Variants in SLC35A5 observed in about 807,000 individuals in gnomAD.
SLC35A5 encodes the protein solute carrier family 35 member A5, also known as UDP-sugar transporter protein SLC35A5.
Under a neutral mutation model 36.3 loss-of-function variants are expected in SLC35A5, and 28 were observed. The ratio of observed to expected loss-of-function variants is 0.77; its 90% CI spans 0.57 to 1.06. SLC35A5 has a LOEUF of 1.06. SLC35A5 is among the 50% of genes least tolerant of loss of function. The probability of loss-of-function intolerance (pLI) is 0.00; values close to 1 mark genes in which losing one functional copy is unlikely to be tolerated. For synonymous variants in SLC35A5, 180 were observed against 173.7 expected (o/e 1.04, Z -0.29); for missense variants, 521 against 499.3 (o/e 1.04, Z -0.41).
chr3:112,564,996 C>T lies in SLC35A5; in HGVS notation c.130+1463C>T, dbSNP rs1309052077. ...CACAGACACAGTAACAATCTGATCT[C>T]TCTTTTCCCCACAATTGAGGACACA... On this transcript the variant is annotated intron_variant, in intron 2 of 6. Transcript: ENST00000492406. Among the ~76,000 whole-genome samples the T allele has an allele frequency of 4.6e-5, 7 of 152,316 alleles. No homozygotes were observed. In the East Asian group the frequency reaches 1.4e-3, roughly 29 times the overall value.
chr3:112,568,452 A>ACAGTTAAGATGAAGTCATAC (rs1491463323), intron 2 of SLC35A5, among the ~76,000 whole-genome samples: 23 of 152,232 alleles, frequency 1.5e-4, no homozygotes, highest in Non-Finnish European at 3.2e-4. Flanking sequence ...GAGACAGGTA[A>ACAGTTAAGATGAAGTCATAC]CAGTTAAGAT....
intron 1 of SLC35A5, among the ~76,000 whole-genome samples, chr3:112,562,689 T>A (rs1324875578): frequency 6.6e-6 from 1 of 152,256 alleles, no homozygotes; most frequent in Admixed American, 6.5e-5. Flanking sequence ...TCTGTCCTAA[T>A]AAGCTTTTTC....
At chr3:112,571,991 G>A (rs1006754723) in intron 4 of SLC35A5, among the ~76,000 whole-genome samples, 107 of 131,770 alleles carry the variant, frequency 8.1e-4, no homozygotes, top group African/African-American at 2.9e-3. Context: ...GCCGGACTAC[G>A]GACTGCAGTG....
chr3:112,581,289 G>A lies in SLC35A5; in HGVS notation c.1172G>A (p.Arg391Gln), dbSNP rs866537161. The A allele has an allele frequency of 5.6e-6, 9 of 1,612,108 alleles. No homozygotes were observed. Among genetic ancestry groups the A allele is most frequent in the East Asian group, 2.2e-5 (1 of 44,882 alleles). The part of the protein sequence containing the change: ...PEYAPRQERI[R>Q]DLSGNLWERS... Reference sequence around the variant, plus strand: ...TACGCACCTAGGCAAGAAAGGATCCGAGATCTAAGTGGCAATCTTTGGGAG... The same window carrying A: ...TACGCACCTAGGCAAGAAAGGATCCAAGATCTAAGTGGCAATCTTTGGGAG... The change falls in exon 6 of 7, where the codon CGA becomes CAA. Residue 391 changes from arginine (R) to glutamine (Q), a missense_variant. Coordinates refer to ENST00000492406, the MANE Select transcript of SLC35A5 (RefSeq NM_017945.5).
chr3:112,562,922 T>TGGTGGCGGGCGC (rs1398575175), intron 1 of SLC35A5, among the ~76,000 whole-genome samples: 1 of 151,970 alleles, frequency 6.6e-6, no homozygotes, highest in Non-Finnish European at 1.5e-5. Context: ...TAGCCGGGCG[T>TGGTGGCGGGCGC]GGTGGCGGGC....
At chr3:112,563,018 C>T (rs1934004388) in intron 1 of SLC35A5, among the ~76,000 whole-genome samples, 1 of 152,160 alleles carries the variant, frequency 6.6e-6, no homozygotes, top group Admixed American at 6.5e-5. Context: ...CAAGACCGCG[C>T]CGTTGCACTC....
intron 1 of SLC35A5, among the ~76,000 whole-genome samples, chr3:112,562,508 G>T (rs1012595101): frequency 2.6e-5 from 4 of 152,218 alleles, no homozygotes; most frequent in Non-Finnish European, 5.9e-5. Context: ...ACGCTGGGAG[G>T]CTTTGGGCAA....
intron 1 of SLC35A5, 40 bp from the exon 2 acceptor site, chr3:112,563,345 T>G (rs1368715861): frequency 7.1e-7 from 1 of 1,400,196 alleles, no homozygotes; most frequent in Non-Finnish European, 9.4e-7. Context: ...GTTTAGGGTC[T>G]GCCAACAAGG....
At chr3:112,570,190 A>G (rs1934376834) in intron 3 of SLC35A5, among the ~76,000 whole-genome samples, 1 of 147,656 alleles carries the variant, frequency 6.8e-6, no homozygotes, top group Non-Finnish European at 1.5e-5. Context: ...GGGGGGCAAA[A>G]ATTCCAGTAT....
chr3:112,579,504 GAT>G (rs1934806642), intron 5 of SLC35A5, among the ~76,000 whole-genome samples: 1 of 147,408 alleles, frequency 6.8e-6, no homozygotes, highest in Non-Finnish European at 1.5e-5. Flanking sequence ...ATGAAAGTGA[GAT>G]ATTCCTCTTT....
chr3:112,569,407 TTAGAG>T, intron 3 of SLC35A5, 138 bp downstream of exon 3: 1 of 680,160 alleles, frequency 1.5e-6, no homozygotes, highest in Non-Finnish European at 2.5e-6. Flanking sequence ...TAAGTATGTT[TTAGAG>T]GTGGAGAAAC....
At chr3:112,575,685 T>C (rs1934636717) in intron 5 of SLC35A5, among the ~76,000 whole-genome samples, 1 of 152,052 alleles carries the variant, frequency 6.6e-6, no homozygotes, top group Non-Finnish European at 1.5e-5. Flanking sequence ...CTCTCTGTTT[T>C]GAGTCCTTGG....
chr3:112,575,594 CA>C (rs973605862), intron 5 of SLC35A5, among the ~76,000 whole-genome samples: 10 of 151,262 alleles, frequency 6.6e-5, no homozygotes, highest in South Asian at 4.2e-4. Flanking sequence ...AATTAAAGTT[CA>C]AAAAAAATTT....
At chr3:112,568,988 T>C (rs1189782925) in intron 2 of SLC35A5, among the ~76,000 whole-genome samples, 183 bp from the exon 3 acceptor site, 1 of 152,116 alleles carries the variant, frequency 6.6e-6, no homozygotes, top group African/African-American at 2.4e-5. Context: ...CCAAATGGGA[T>C]AGGGATAGCT....
intron 6 of SLC35A5, among the ~76,000 whole-genome samples, chr3:112,581,666 A>G (rs1283014242): frequency 6.6e-6 from 1 of 152,204 alleles, no homozygotes; most frequent in Non-Finnish European, 1.5e-5. Context: ...CAGATAATAA[A>G]TGAAAGAACT....
intron 4 of SLC35A5, 86 bp downstream of exon 4, chr3:112,570,756 G>A (rs1934403625): frequency 2.2e-5 from 29 of 1,338,588 alleles, no homozygotes. Flanking sequence ...ATTTTTGTTG[G>A]CATTGTTAGT....
chr3:112,571,842 C>T (rs2107429613), intron 4 of SLC35A5, among the ~76,000 whole-genome samples: 1 of 148,528 alleles, frequency 6.7e-6, no homozygotes, highest in South Asian at 2.2e-4. Context: ...ATGGGGATTA[C>T]AATTCAAGGT....
intron 5 of SLC35A5, among the ~76,000 whole-genome samples, chr3:112,577,976 A>G (rs2107442944): frequency 6.6e-6 from 1 of 152,330 alleles, no homozygotes; most frequent in East Asian, 1.9e-4. Context: ...ACTACCACCA[A>G]ATATAGAAGT....
intron 4 of SLC35A5, 22 bp from the exon 5 acceptor site, chr3:112,573,867 T>G (rs1934558604): frequency 1.3e-6 from 2 of 1,597,362 alleles, no homozygotes; most frequent in Non-Finnish European, 1.7e-6. Flanking sequence ...GGATTGTAAC[T>G]CTATCTTCTC....
Sources: allele counts gnomAD v4.1 joint callset (sites outside exome capture counted in the v4.1 genomes callset), GRCh38; gene constraint gnomAD v4.1.1; transcripts MANE v1.5; gene names NCBI Gene and HGNC (gene_info 2026-07-23, HGNC 2026-07-21).